The following PRKCZ variants were observed in gnomAD, a reference collection of about 807,000 sequenced individuals.
The protein encoded by PRKCZ is protein kinase C zeta type.
PRKCZ carries 33 observed loss-of-function variants against 79.5 expected under a neutral mutation model. The ratio of observed to expected loss-of-function variants is 0.41; its 90% CI spans 0.31 to 0.55. The LOEUF (loss-of-function observed/expected upper bound fraction) is 0.55. Among genes scored for constraint, PRKCZ ranks in the 20% least tolerant of loss-of-function variants. The probability of loss-of-function intolerance (pLI) is 0.19; values close to 1 mark genes in which losing one functional copy is unlikely to be tolerated. For synonymous variants in PRKCZ, 342 were observed against 320.9 expected, an observed-to-expected ratio of 1.07 and a Z score of -0.70; for missense variants, 578 against 813.5, an observed-to-expected ratio of 0.71 and a Z score of 3.52.
chr1:2,135,450 C>G (rs1270437666), intron 5 of PRKCZ, 103 bp downstream of exon 5: 6 of 1,090,878 alleles, frequency 5.5e-6, no homozygotes, highest in Non-Finnish European at 6.5e-6. Context: ...AGGCTGGGCT[C>G]TTTTTGGCGC....
rs150327718 is a variant in PRKCZ, at chr1:2,094,081, G to A, written c.334+34490G>A. Among the ~76,000 whole-genome samples, 393 of 152,250 alleles carry A rather than the reference G, an allele frequency of 2.6e-3. 5 individuals carry two copies. The highest frequency in any genetic ancestry group is 8.9e-3 in the African/African-American group (369 of 41,512). Reference sequence around the variant, plus strand: ...ACCCTCCTGTTTGTCCTGTCCTAGCGCAGCCACATCCCTTGGGAGCCTGCT... The same window carrying A: ...ACCCTCCTGTTTGTCCTGTCCTAGCACAGCCACATCCCTTGGGAGCCTGCT... On this transcript the variant is annotated intron_variant, in intron 4 of 17. Transcript: ENST00000378567. This position sits in a 1 kb window ranked among gnomAD's most constrained non-coding sequence, Gnocchi z 7.3.
chr1:2,069,672 T>C (rs2102294662), intron 4 of PRKCZ, among the ~76,000 whole-genome samples: 1 of 152,252 alleles, frequency 6.6e-6, no homozygotes, highest in Middle Eastern at 3.4e-3. Flanking sequence ...CCCTGAACCC[T>C]GGCAGTAAGC....
chr1:2,107,907 A>T (rs888421503), intron 4 of PRKCZ, among the ~76,000 whole-genome samples: 2 of 146,864 alleles, frequency 1.4e-5, no homozygotes, highest in East Asian at 3.9e-4. Context: ...CCCCCAGGGC[A>T]GTGTCGGGAG....
rs1316353416 is a variant in PRKCZ, at chr1:2,154,900, G to T, written c.877-1095G>T. 4.6e-5 allele frequency among the ~76,000 whole-genome samples: 7 copies of T among 152,200 alleles called. No individual in the cohort carries two copies. The East Asian group carries it at 1.3e-3, about 29-fold the overall frequency. On this transcript the variant is annotated intron_variant, in intron 9 of 17. Transcript: ENST00000378567. ...GGCTGAAGCTAGTGCTCTGGTGATG[G>T]GTGTGGGCTTATCACTCGGTAGCGC...
rs747509301 is a variant in PRKCZ at position 2,059,581 on chromosome 1, G to A, written c.324G>A (p.Pro108=). 16 of 1,614,074 alleles carry A rather than the reference G, an allele frequency of 9.9e-6. No homozygotes were observed. Among genetic ancestry groups the A allele is most frequent in the Non-Finnish European group, 1.2e-5 (14 of 1,180,024 alleles). ...CTGAGCAGCCTGGCCTGCCATGTCC[G>A]GGAGAAGACAGTGAGTACTGGGGTT... ...STPEQPGLPC[P]GEDKSIYRRG... The change falls in exon 4 of 18, where the codon CCG becomes CCA. Residue 108 remains proline (P), a synonymous_variant. Coordinates refer to ENST00000378567, the MANE Select transcript of PRKCZ (RefSeq NM_002744.6).
chr1:2,085,321 C>T (rs900109616), intron 4 of PRKCZ, among the ~76,000 whole-genome samples: 2 of 152,230 alleles, frequency 1.3e-5, no homozygotes, highest in South Asian at 2.1e-4. Context: ...GAGCTGGCCC[C>T]GAGCCAGCAG....
chr1:2,049,687 T>A (rs113736389), upstream of PRKCZ: 2 of 152,386 alleles, frequency 1.3e-5, no homozygotes, highest in African/African-American at 4.8e-5. Context: ...AAAACCGTAT[T>A]TTCAGGGGAG....
Position 2,149,036 on chromosome 1 carries a change from G to A in PRKCZ, c.687+112G>A. 8.4e-7 allele frequency: 1 copy of A among 1,187,806 alleles called. No homozygotes were observed. Among genetic ancestry groups the A allele is most frequent in the Non-Finnish European group, 1.2e-6 (1 of 815,396 alleles). The allele number at this position is 1,187,806 out of a possible 1,614,324, so 73.6% of individuals were successfully genotyped here. A position where few individuals can be genotyped will look rare whatever the true frequency, so the allele number is the denominator to read the frequency against. ...ATGTGAAATAGACATGGTCCGGGGT[G>A]TTGCTAACTAATCTTCACGGGTGTG... On this transcript the variant is annotated intron_variant, in intron 8 of 17. Transcript: ENST00000378567. This position sits in a 1 kb window ranked among gnomAD's most constrained non-coding sequence, Gnocchi z 4.1.
chr1:2,137,264 C>T (rs1381246987), intron 5 of PRKCZ, among the ~76,000 whole-genome samples: 2 of 152,212 alleles, frequency 1.3e-5, no homozygotes, highest in African/African-American at 2.4e-5. Flanking sequence ...CTGCTTCTCC[C>T]ACCTGCTTCC....
At chr1:2,055,765 C>A in intron 2 of PRKCZ, 1 of 729,786 alleles carries the variant, frequency 1.4e-6, no homozygotes, top group Non-Finnish European at 2.1e-6. Context: ...GGCCCAGATG[C>A]CCCTAGGAAG....
intron 17 of PRKCZ, 31 bp from the exon 18 acceptor site, chr1:2,184,890 AC>A: frequency 6.3e-7 from 1 of 1,580,494 alleles, no homozygotes; most frequent in Non-Finnish European, 8.7e-7. Flanking sequence ...ACACACGGTC[AC>A]CCCCCTCCCC....
chr1:2,160,884 GAGAA>G (rs1401612103), intron 10 of PRKCZ, among the ~76,000 whole-genome samples: 1 of 152,138 alleles, frequency 6.6e-6, no homozygotes, highest in Non-Finnish European at 1.5e-5. Flanking sequence ...GTGGGTGTGT[GAGAA>G]AGAGGTGAGG....
At chr1:2,108,580 C>G (rs556168028) in intron 4 of PRKCZ, among the ~76,000 whole-genome samples, 64 of 152,374 alleles carry the variant, frequency 4.2e-4, no homozygotes, top group Non-Finnish European at 6.8e-4. Flanking sequence ...CGCCAGCCTC[C>G]TGCTTGCACA....
intron 3 of PRKCZ, among the ~76,000 whole-genome samples, chr1:2,057,172 T>G (rs980865844): frequency 2.2e-4 from 33 of 152,348 alleles, no homozygotes; most frequent in African/African-American, 7.7e-4. Context: ...ACCTGCCCGG[T>G]GCTCCCTAGG....
intron 4 of PRKCZ, among the ~76,000 whole-genome samples, chr1:2,108,691 A>G (rs955670065): frequency 2.6e-5 from 4 of 152,176 alleles, no homozygotes; most frequent in Non-Finnish European, 5.9e-5. Context: ...CAGGGCTGTG[A>G]GCGAGGCTGT....
At chr1:2,175,147 A>G in intron 15 of PRKCZ, 77 bp from the exon 16 acceptor site, 3 of 1,234,918 alleles carry the variant, frequency 2.4e-6, no homozygotes, top group Non-Finnish European at 3.6e-6. Context: ...CAGCACTGGG[A>G]GTGGCCACCA....
At chr1:2,065,011 TCTTTG>T (rs991111280) in intron 4 of PRKCZ, among the ~76,000 whole-genome samples, 5 of 152,280 alleles carry the variant, frequency 3.3e-5, no homozygotes, top group African/African-American at 1.2e-4. Flanking sequence ...GTTTATGTTT[TCTTTG>T]ATTTCTTTCA....
In PRKCZ at chr1:2,174,859, A is replaced by G; in HGVS notation, c.1485+26A>G. 6.2e-7 allele frequency: 1 copy of G among 1,607,872 alleles called. No individual in the cohort carries two copies. The highest frequency in any genetic ancestry group is 1.3e-5 in the African/African-American group (1 of 74,844). ...GTACGTTTCTGGCCATGCTGACAAA[A>G]TCTCGTTTGTGGCCTCGGTGTTGGT... On this transcript the variant is annotated intron_variant, in intron 15 of 17. Transcript: ENST00000378567. The surrounding 1 kb of genome is among the most constrained non-coding windows in gnomAD (Gnocchi z 6.2).
At chr1:2,106,329 TAGTG>T (rs1245724319) in intron 4 of PRKCZ, among the ~76,000 whole-genome samples, 1 of 152,210 alleles carries the variant, frequency 6.6e-6, no homozygotes, top group African/African-American at 2.4e-5. Flanking sequence ...GAGAATTACA[TAGTG>T]AGGCCTCGTG....
Sources: gnomAD v4.1 joint callset for allele counts (sites outside exome capture counted in the v4.1 genomes callset) on GRCh38, gnomAD v4.1.1 for gene constraint, Gnocchi (gnomAD v3.1) non-coding constraint, MANE v1.5 for transcripts, NCBI Gene and HGNC (gene_info 2026-07-23, HGNC 2026-07-21) for gene names.